The following DDB1 variants were observed in gnomAD, a reference collection of about 807,000 sequenced individuals.
DDB1 encodes the protein DNA damage-binding protein 1.
DDB1 carries 18 observed loss-of-function variants against 133.1 expected under a neutral mutation model. The observed-to-expected ratio is 0.14, with a 90% confidence interval of 0.09 to 0.20. The LOEUF is 0.20. DDB1 is among the 10% of genes least tolerant of loss of function. The probability of loss-of-function intolerance (pLI) is 1.00; values close to 1 mark genes in which losing one functional copy is unlikely to be tolerated. For missense variants in DDB1, 828 were observed against 1,459.2 expected, an observed-to-expected ratio of 0.57 and a Z score of 7.05; for synonymous variants, 580 against 550.5, an observed-to-expected ratio of 1.05 and a Z score of -0.75.
intron 21 of DDB1, among the ~76,000 whole-genome samples, chr11:61,308,606 A>T (rs1455725884): frequency 2.0e-5 from 3 of 152,238 alleles, no homozygotes; most frequent in African/African-American, 7.2e-5. Context: ...CTTTTTAGCA[A>T]GGGAGGAGGT....
chr11:61,300,286 A>G, intron 26 of DDB1, 67 bp from the exon 27 acceptor site: 1 of 1,500,944 alleles, frequency 6.7e-7, no homozygotes, highest in Non-Finnish European at 9.2e-7. Context: ...GGGGAAGGGA[A>G]TGCCCCCAGT....
chr11:61,325,895 T>C lies in DDB1; in HGVS notation c.665-187A>G, dbSNP rs1856261954. The C allele has an allele frequency of 4.5e-6, 3 of 668,528 alleles. No individual in the cohort carries two copies. In the East Asian group the frequency reaches 8.2e-5, roughly 18 times the overall value. 41.4% of individuals were successfully genotyped at this position (668,528 alleles called of 1,614,324 possible). Reference sequence around the variant, plus strand: ...CTTAGAATTTGTTAACTGGCCATTATCTAATCCTGGTAGTATTTTTACTGC... The same window carrying C: ...CTTAGAATTTGTTAACTGGCCATTACCTAATCCTGGTAGTATTTTTACTGC... On this transcript the variant is annotated intron_variant, in intron 5 of 26. Transcript: ENST00000301764.
rs1219445344 is a variant in DDB1, at chr11:61,322,381, T to C, written c.1037A>G (p.Tyr346Cys). ...LNVDSNEQGS[Y>C]VVAMETFTNL... ...GGTAAAGGTTTCCATGGCCACTACA[T>C]AGGAGCCTTGTTCATTACTGTCAAC... The change falls in exon 9 of 27, where the codon TAT becomes TGT. Residue 346 changes from tyrosine (Y) to cysteine (C), a missense_variant. Tyr to Cys is a radical substitution (Grantham distance 194). Transcript: ENST00000301764. 1 of 1,614,056 alleles carries C rather than the reference T, an allele frequency of 6.2e-7. No homozygotes were observed. Among genetic ancestry groups the C allele is most frequent in the Non-Finnish European group, 8.5e-7 (1 of 1,180,018 alleles).
Position 61,326,807 on chromosome 11 carries a change from G to A in DDB1, c.636C>T (p.Val212=), listed in dbSNP as rs754810752. ...CGATCACCATGGAAGCTTCAGCTTCGACATTTTCCTGTTTCCAAGGGCCCT... is the reference window on the plus strand; with the variant it reads ...CGATCACCATGGAAGCTTCAGCTTCAACATTTTCCTGTTTCCAAGGGCCCT... The part of the protein sequence containing the change: ...FNKGPWKQEN[V]EAEASMVIAV... The change falls in exon 5 of 27, where the codon GTC becomes GTT. Residue 212 remains valine, a synonymous_variant. Coordinates refer to ENST00000301764, the MANE Select transcript of DDB1 (RefSeq NM_001923.5). 11 of 1,613,920 alleles carry A rather than the reference G, an allele frequency of 6.8e-6. No individual in the cohort carries two copies. Among genetic ancestry groups the A allele is most frequent in the African/African-American group, 1.3e-5 (1 of 74,858 alleles).
At chr11:61,323,471 C>A in intron 7 of DDB1, 1 of 266,264 alleles carries the variant, frequency 3.8e-6, no homozygotes, top group Non-Finnish European at 7.3e-6. Context: ...GCAGTGGTAC[C>A]ACCATGGCTC....
At chr11:61,301,204 A>G in intron 25 of DDB1, 3 of 368,092 alleles carry the variant, frequency 8.2e-6, no homozygotes, top group Non-Finnish European at 1.5e-5. Flanking sequence ...TATGTATGGA[A>G]GTTCTTTAAA....
Position 61,316,713 on chromosome 11 carries a change from G to A in DDB1, c.1226-146C>T, listed in dbSNP as rs1856073420. The A allele has an allele frequency of 4.7e-6, 4 of 842,732 alleles. No individual in the cohort carries two copies. The Admixed American group carries it at 6.1e-5, about 13-fold the overall frequency. 52.2% of individuals were successfully genotyped at this position (842,732 alleles called of 1,614,324 possible). ...GAGGCAGGAGGACTGCTTGGAACCA[G>A]GAGTTCTAGACCAGCCTGGGCAAAA... On this transcript the variant is annotated intron_variant, in intron 10 of 26. Coordinates refer to ENST00000301764, the MANE Select transcript of DDB1 (RefSeq NM_001923.5).
At chr11:61,322,245 C>T in intron 9 of DDB1, 51 bp downstream of exon 9, 1 of 1,410,842 alleles carries the variant, frequency 7.1e-7, no homozygotes, top group Non-Finnish European at 1.0e-6. Context: ...GCTAGGAGGA[C>T]ACAGTTTGAG....
chr11:61,332,337 T>TA (rs949147356), intron 1 of DDB1: 1 of 153,050 alleles, frequency 6.5e-6, no homozygotes, highest in African/African-American at 2.4e-5. Context: ...TCGGTGTCCT[T>TA]AACAATCCAA....
chr11:61,304,446 G>A (rs930731808), intron 21 of DDB1, among the ~76,000 whole-genome samples: 4 of 151,702 alleles, frequency 2.6e-5, no homozygotes, highest in Non-Finnish European at 5.9e-5. Context: ...CAGCCTAGGC[G>A]ACACAGCGAG....
Position 61,326,881 on chromosome 11 carries a change from G to A in DDB1, c.562C>T (p.Arg188Trp), listed in dbSNP as rs2134935103. The part of the protein sequence containing the change: ...ICFVYQDPQG[R>W]HVKTYEVSLR... ...GACACCTCATAGGTTTTTACGTGCC[G>A]CCCCTGAGGGTCCTGGGGGGGAAAG... The change falls in exon 5 of 27, where the codon CGG (arginine) becomes TGG (tryptophan). Residue 188 changes from arginine to tryptophan, a missense_variant. Physicochemically the swap from Arg to Trp is moderately radical, Grantham distance 101. Coordinates refer to ENST00000301764, the MANE Select transcript of DDB1 (RefSeq NM_001923.5). The A allele has an allele frequency of 6.2e-7, 1 of 1,613,440 alleles. No homozygotes were observed. The highest frequency in any genetic ancestry group is 8.5e-7 in the Non-Finnish European group (1 of 1,179,474).
At chr11:61,304,118 G>A in intron 21 of DDB1, 83 bp from the exon 22 acceptor site, 1 of 1,493,370 alleles carries the variant, frequency 6.7e-7, no homozygotes. Flanking sequence ...CCCTTCATCT[G>A]CAGCACTACT....
chr11:61,319,046 C>G (rs987378021), intron 10 of DDB1, among the ~76,000 whole-genome samples: 6 of 152,090 alleles, frequency 3.9e-5, no homozygotes, highest in Non-Finnish European at 7.4e-5. Context: ...CTCTACCAAA[C>G]ACAAACAAAA....
chr11:61,328,945 C>T (rs925655445), intron 4 of DDB1, among the ~76,000 whole-genome samples: 1 of 152,142 alleles, frequency 6.6e-6, no homozygotes, highest in Non-Finnish European at 1.5e-5. Context: ...ATGTAAACCT[C>T]TTCTTAAAAA....
chr11:61,326,078 T>TC (rs1465057098), intron 5 of DDB1: 2 of 307,696 alleles, frequency 6.5e-6, no homozygotes, highest in Non-Finnish European at 1.2e-5. Flanking sequence ...TAGCTTAACT[T>TC]CCCCCCATTA....
rs780420043 is a variant in DDB1, at chr11:61,314,090, C to T, written c.1710G>A (p.Lys570=). The change falls in exon 14 of 27, where the codon AAG becomes AAA. Residue 570 remains lysine, a synonymous_variant. Transcript: ENST00000301764. ...LWTDISARIL[K]LPSFELLHKE... is the part of the protein sequence containing the mutation. ...TGTGCAGTAGTTCAAAAGAGGGCAACTTCAAGATACGAGCCGAGATGTCCG... is the reference window on the plus strand; with the variant it reads ...TGTGCAGTAGTTCAAAAGAGGGCAATTTCAAGATACGAGCCGAGATGTCCG... 6.2e-7 allele frequency: 1 copy of T among 1,614,104 alleles called. No individual in the cohort carries two copies. Among genetic ancestry groups the T allele is most frequent in the Admixed American group, 1.7e-5 (1 of 60,028 alleles).
At chr11:61,307,790 C>G (rs1311642112) in intron 21 of DDB1, among the ~76,000 whole-genome samples, 1 of 150,656 alleles carries the variant, frequency 6.6e-6, no homozygotes, top group African/African-American at 2.5e-5. Flanking sequence ...CTATCTTTCC[C>G]ATCAGTAAAT....
In DDB1 at chr11:61,299,908, G is replaced by A. The variant is rs561196813; in HGVS notation, c.*228C>T. On this transcript the variant is annotated 3_prime_UTR_variant, in exon 27 of 27. Coordinates refer to ENST00000301764, the MANE Select transcript of DDB1 (RefSeq NM_001923.5). ...GGCTTGGTGGTCTAAGGTGATGGCT[G>A]GAATCATGTGAGACTGGTAAAAATC... The A allele has an allele frequency of 7.7e-5, 44 of 571,608 alleles. 1 individual carries two copies. The South Asian group carries it at 8.6e-4, about 11-fold the overall frequency. 35.4% of individuals were successfully genotyped at this position (571,608 alleles called of 1,614,324 possible). A position where few individuals can be genotyped will look rare whatever the true frequency, so the allele number is the denominator to read the frequency against.
chr11:61,322,689 A>G (rs1434451996), intron 8 of DDB1: 7 of 538,654 alleles, frequency 1.3e-5, no homozygotes, highest in Admixed American at 3.2e-5. Context: ...GTTTGCATGC[A>G]TTTTTCTGCA....
Sources: gnomAD v4.1 joint callset for allele counts (sites outside exome capture counted in the v4.1 genomes callset) on GRCh38, gnomAD v4.1.1 for gene constraint, MANE v1.5 for transcripts, NCBI Gene and HGNC (gene_info 2026-07-23, HGNC 2026-07-21) for gene names.